The following RBSN variants were observed in gnomAD, a reference collection of about 807,000 sequenced individuals.
The protein encoded by RBSN is rabenosyn, RAB effector.
In RBSN, 34 loss-of-function variants were observed where a neutral mutation model predicts 60.5. That is an observed-to-expected ratio of 0.56 (90% CI 0.43 to 0.75). The LOEUF (loss-of-function observed/expected upper bound fraction) is 0.75, where lower values mean the gene tolerates loss of function less well. RBSN is among the 30% of genes least tolerant of loss of function. RBSN has a pLI of 0.00. For synonymous variants in RBSN, 322 were observed against 366.9 expected, an observed-to-expected ratio of 0.88 and a Z score of 1.40; for missense variants, 845 against 986.8, an observed-to-expected ratio of 0.86 and a Z score of 1.92.
chr3:15,074,628 C>T lies in RBSN; in HGVS notation c.1509G>A (p.Lys503=). 6.2e-7 allele frequency: 1 copy of T among 1,614,272 alleles called. No individual in the cohort carries two copies. Among genetic ancestry groups the T allele is most frequent in the East Asian group, 2.2e-5 (1 of 44,886 alleles). Residue 503 remains lysine (K), a synonymous_variant, in exon 14 of 14, where the codon AAG becomes AAA. Coordinates refer to ENST00000253699, the MANE Select transcript of RBSN (RefSeq NM_022340.4). This position sits in a 1 kb window ranked among gnomAD's most constrained non-coding sequence, Gnocchi z 6.4. ...QDEYDQQQTE[K]AIELSRRQAE... ...CCTGCCTCCGGGACAGCTCGATGGC[C>T]TTCTCTGTCTGCTGCTGGTCATACT...
rs1286062589 is a variant in RBSN at position 15,074,507 on chromosome 3, T to G, written c.1630A>C (p.Thr544Pro). 1.2e-6 allele frequency: 2 copies of G among 1,614,096 alleles called. No homozygotes were observed. The highest frequency in any genetic ancestry group is 2.2e-5 in the South Asian group (2 of 91,092). Residue 544 changes from threonine (T) to proline (P), a missense_variant, in exon 14 of 14, where the codon ACA becomes CCA. Thr to Pro is a conservative substitution (Grantham distance 38, BLOSUM62 -1). Coordinates refer to ENST00000253699, the MANE Select transcript of RBSN (RefSeq NM_022340.4). The surrounding 1 kb of genome is among the most constrained non-coding windows in gnomAD (Gnocchi z 6.4). ...CTGAAGTCCAGGGACCGAGTCCGTGTGTGCAGGGATGCCACCCGAAACTGC... is the reference window on the plus strand; with the variant it reads ...CTGAAGTCCAGGGACCGAGTCCGTGGGTGCAGGGATGCCACCCGAAACTGC... ...REQFRVASLH[T>P]RTRSLDFREI...
Position 15,078,135 on chromosome 3 carries a change from T to TGTCTCC in RBSN, c.937_938insGGAGAC (p.Glu313delinsGlyArgGln). On this transcript the variant is annotated protein_altering_variant, in exon 11 of 14. Transcript: ENST00000253699. ...TTCCACTCGAAGGTCACTGGCATGT[T>TGTCTCC]CCAGACTGTAGGTTGTCTCCCCAGC... 6.2e-7 allele frequency: 1 copy of TGTCTCC among 1,614,208 alleles called. No individual in the cohort carries two copies. The highest frequency in any genetic ancestry group is 8.5e-7 in the Non-Finnish European group (1 of 1,180,032).
Position 15,071,061 on chromosome 3 carries a change from T to G in RBSN, c.*2721A>C, listed in dbSNP as rs2042916646. ...CTAGTCTCAAATTCCTGACCTCAGGTGATCCACCCGTCTCGGCCTCCCAAA... is the reference window on the plus strand; with the variant it reads ...CTAGTCTCAAATTCCTGACCTCAGGGGATCCACCCGTCTCGGCCTCCCAAA... On this transcript the variant is annotated 3_prime_UTR_variant, in exon 14 of 14. Transcript: ENST00000253699. 6.6e-6 allele frequency: 1 copy of G among 152,202 alleles called. No individual in the cohort carries two copies. The highest frequency in any genetic ancestry group is 6.5e-5 in the Admixed American group (1 of 15,278). 9.4% of individuals were successfully genotyped at this position (152,202 alleles called of 1,614,324 possible).
chr3:15,080,018 G>T (rs2043163621), intron 10 of RBSN, among the ~76,000 whole-genome samples: 1 of 152,150 alleles, frequency 6.6e-6, no homozygotes, highest in South Asian at 2.1e-4. Flanking sequence ...GCCAAGGCGG[G>T]TGGATCACGA....
At chr3:15,078,409 T>A (rs2043107167) in intron 10 of RBSN, among the ~76,000 whole-genome samples, 1 of 152,118 alleles carries the variant, frequency 6.6e-6, no homozygotes, top group African/African-American at 2.4e-5. Flanking sequence ...GCCCTTATGC[T>A]CATCACCAAA....
chr3:15,091,613 C>A, intron 4 of RBSN: 1 of 602,676 alleles, frequency 1.7e-6, no homozygotes, highest in Non-Finnish European at 2.4e-6. Context: ...TATGCCAGTT[C>A]ATGCTTACAA....
At chr3:15,091,616 G>T in intron 4 of RBSN, 1 of 578,864 alleles carries the variant, frequency 1.7e-6, no homozygotes, top group Non-Finnish European at 2.5e-6. Context: ...GCCAGTTCAT[G>T]CTTACAATGT....
At chr3:15,089,800 C>T (rs1275854398) in intron 5 of RBSN, among the ~76,000 whole-genome samples, 3 of 151,972 alleles carry the variant, frequency 2.0e-5, no homozygotes, top group Non-Finnish European at 4.4e-5. Context: ...TTAGTAGAGA[C>T]GGGGTTTCAC....
Position 15,096,233 on chromosome 3 carries a change from T to C in RBSN, c.-113A>G, listed in dbSNP as rs910314784. The C allele has an allele frequency of 3.4e-6, 4 of 1,177,760 alleles. No homozygotes were observed. In the Admixed American group the frequency reaches 1.3e-4, roughly 39 times the overall value. 73.0% of individuals were successfully genotyped at this position (1,177,760 alleles called of 1,614,324 possible). On this transcript the variant is annotated 5_prime_UTR_variant, in exon 4 of 14. Transcript: ENST00000253699. Reference sequence around the variant, plus strand: ...ATTAGCTTAAGCAGCACACAGATGGTGAGGAAGTGGCTTCATGGCCCTGGA... The same window carrying C: ...ATTAGCTTAAGCAGCACACAGATGGCGAGGAAGTGGCTTCATGGCCCTGGA...
rs2042910914 is a variant in RBSN, at chr3:15,070,765, G to A, written c.*3017C>T. Reference sequence around the variant, plus strand: ...GAATTCATAGAAGAATACAGCCATGGATAAACTTAATCAAAAGAATATGAT... The same window carrying A: ...GAATTCATAGAAGAATACAGCCATGAATAAACTTAATCAAAAGAATATGAT... On this transcript the variant is annotated 3_prime_UTR_variant, in exon 14 of 14. Transcript: ENST00000253699. The A allele has an allele frequency of 6.5e-6, 1 of 152,680 alleles. No homozygotes were observed. Among genetic ancestry groups the A allele is most frequent in the Non-Finnish European group, 1.5e-5 (1 of 68,054 alleles). 9.5% of individuals were successfully genotyped at this position (152,680 alleles called of 1,614,324 possible).
chr3:15,097,312 C>T (rs1465059272), intron 2 of RBSN, among the ~76,000 whole-genome samples: 4 of 151,988 alleles, frequency 2.6e-5, no homozygotes, highest in South Asian at 2.1e-4. Flanking sequence ...GTCAGGAGTT[C>T]GAGACCAGCC....
At chr3:15,075,101 G>A in intron 13 of RBSN, 171 bp from the exon 14 acceptor site, 2 of 772,518 alleles carry the variant, frequency 2.6e-6, no homozygotes, top group Non-Finnish European at 4.0e-6. Flanking sequence ...GTGTATATGT[G>A]GGCGGAAGGG....
At chr3:15,085,689 C>G (rs947809776) in intron 6 of RBSN, among the ~76,000 whole-genome samples, 172 bp downstream of exon 6, 1 of 152,156 alleles carries the variant, frequency 6.6e-6, no homozygotes, top group Non-Finnish European at 1.5e-5. Context: ...TTAAGGAATG[C>G]TGGCCCAGGC....
At chr3:15,078,778 ACATATATATATATATAT>A (rs2043124383) in intron 10 of RBSN, among the ~76,000 whole-genome samples, 4 of 35,798 alleles carry the variant, frequency 1.1e-4, no homozygotes, top group African/African-American at 3.0e-4. Flanking sequence ...AAAAAAAAAT[ACATATATATATATATAT>A]ATATATATAT....
intron 4 of RBSN, among the ~76,000 whole-genome samples, chr3:15,093,053 G>A (rs1406919757): frequency 6.6e-6 from 1 of 152,150 alleles, no homozygotes; most frequent in Non-Finnish European, 1.5e-5. Context: ...CCAGGACTGG[G>A]CCCCGAACCC....
intron 5 of RBSN, among the ~76,000 whole-genome samples, chr3:15,089,283 T>G (rs570828957): frequency 1.5e-4 from 23 of 151,766 alleles, no homozygotes; most frequent in African/African-American, 5.6e-4. Flanking sequence ...CTGGCCAACA[T>G]AGGACCCTGT....
chr3:15,073,762 G>T lies in RBSN; in HGVS notation c.*20C>A. On this transcript the variant is annotated 3_prime_UTR_variant, in exon 14 of 14. Coordinates refer to ENST00000253699, the MANE Select transcript of RBSN (RefSeq NM_022340.4). ...CTCCTGCCAGACCCCTGGGCCCAAA[G>T]GTGCCCTCTCCACTGCTGGTCAGTC... is the stretch of plus-strand genomic sequence containing the variant. The T allele has an allele frequency of 6.3e-7, 1 of 1,579,984 alleles. No homozygotes were observed. The highest frequency in any genetic ancestry group is 1.2e-5 in the South Asian group (1 of 84,936).
Position 15,075,186 on chromosome 3 carries a change from C to T in RBSN, c.1207-256G>A, listed in dbSNP as rs139484383. 1,142 of 587,824 alleles carry T rather than the reference C, an allele frequency of 1.9e-3. 10 individuals carry two copies. Among genetic ancestry groups the T allele is most frequent in the African/African-American group, 0.019 (1,010 of 53,726 alleles). 36.4% of individuals were successfully genotyped at this position (587,824 alleles called of 1,614,324 possible). ...ATTTTCTCAATCTTAGATTCACAGG[C>T]CGTATACTTTTCTTAAACCTCTAAG... On this transcript the variant is annotated intron_variant, in intron 13 of 13. Transcript: ENST00000253699.
At chr3:15,076,761 A>G (rs2043064913) in intron 12 of RBSN, among the ~76,000 whole-genome samples, 2 of 152,252 alleles carry the variant, frequency 1.3e-5, no homozygotes, top group South Asian at 4.1e-4. Context: ...ACGGTTAAAG[A>G]ATGGCATATA....
Sources: allele counts gnomAD v4.1 joint callset (sites outside exome capture counted in the v4.1 genomes callset), GRCh38; gene constraint gnomAD v4.1.1; non-coding constraint Gnocchi (gnomAD v3.1); transcripts MANE v1.5; gene names NCBI Gene and HGNC (gene_info 2026-07-23, HGNC 2026-07-21).